The following SCP2 variants were observed in gnomAD, a reference collection of about 807,000 sequenced individuals.
The protein encoded by SCP2 is sterol carrier protein 2, also known as SCP-2/3-oxoacyl-CoA thiolase.
Under a neutral mutation model 71.4 loss-of-function variants are expected in SCP2, and 48 were observed. The observed-to-expected ratio is 0.67, with a 90% CI of 0.53 to 0.86. The LOEUF (loss-of-function observed/expected upper bound fraction) is 0.86, where lower values mean the gene tolerates loss of function less well. Among genes scored for constraint, SCP2 ranks in the 40% least tolerant of loss-of-function variants. SCP2 has a pLI of 0.00. For synonymous variants in SCP2, 220 were observed against 218.1 expected, an observed-to-expected ratio of 1.01 and a Z score of -0.08; for missense variants, 560 against 655.6, an observed-to-expected ratio of 0.85 and a Z score of 1.59.
chr1:52,985,444 T>A (rs1297310496), intron 10 of SCP2, among the ~76,000 whole-genome samples: 2 of 152,184 alleles, frequency 1.3e-5, no homozygotes, highest in East Asian at 3.9e-4. Flanking sequence ...AAATCCAGAA[T>A]ATGACCACAT....
chr1:53,028,615 ATACTT>A (rs1428678598), intron 13 of SCP2, among the ~76,000 whole-genome samples: 1 of 152,158 alleles, frequency 6.6e-6, no homozygotes, highest in African/African-American at 2.4e-5. Context: ...ATTTTATACT[ATACTT>A]TTGTTTTAAC....
intron 4 of SCP2, among the ~76,000 whole-genome samples, chr1:52,952,918 C>T (rs1270779670): frequency 6.6e-6 from 1 of 152,084 alleles, no homozygotes; most frequent in East Asian, 1.9e-4. Context: ...ATTAGGTCCT[C>T]TCTCTGTTCC....
chr1:52,976,615 T>C, intron 7 of SCP2, 68 bp from the exon 8 acceptor site: 1 of 837,982 alleles, frequency 1.2e-6, no homozygotes, highest in Non-Finnish European at 2.1e-6. Context: ...TTATTCTGTT[T>C]CTTACTCTGC....
At chr1:52,943,664 C>T (rs1572058261) in intron 2 of SCP2, 2 of 433,090 alleles carry the variant, frequency 4.6e-6, no homozygotes, top group East Asian at 1.3e-4. Flanking sequence ...TTGCAAAGCA[C>T]CAATAGCTGC....
At chr1:52,980,917 A>C (rs1040556092) in intron 10 of SCP2, among the ~76,000 whole-genome samples, 1 of 152,070 alleles carries the variant, frequency 6.6e-6, no homozygotes, top group African/African-American at 2.4e-5. Flanking sequence ...GCAGCATGTA[A>C]GCAATAATTT....
In SCP2 at chr1:53,050,949, CT is replaced by C. The variant is rs1449322077; in HGVS notation, c.*246del. 3.1e-6 allele frequency: 1 copy of C among 325,202 alleles called. No individual in the cohort carries two copies. Among genetic ancestry groups the C allele is most frequent in the African/African-American group, 2.2e-5 (1 of 46,372 alleles). 20.1% of individuals were successfully genotyped at this position (325,202 alleles called of 1,614,324 possible). A position where few individuals can be genotyped will look rare whatever the true frequency, so the allele number is the denominator to read the frequency against. On this transcript the variant is annotated 3_prime_UTR_variant, in exon 16 of 16. Coordinates refer to ENST00000371514, the MANE Select transcript of SCP2 (RefSeq NM_002979.5). ...ACAAAGTTAATATGGTAATTATGGT[CT>C]GGGGTAAAATTGAGTTTCAGAATAA...
At chr1:52,996,957 T>C (rs1659977926) in intron 11 of SCP2, among the ~76,000 whole-genome samples, 1 of 152,196 alleles carries the variant, frequency 6.6e-6, no homozygotes, top group Non-Finnish European at 1.5e-5. Context: ...ACACTACAGA[T>C]TTCTATTTTG....
intron 11 of SCP2, among the ~76,000 whole-genome samples, chr1:53,014,144 A>G (rs1196263510): frequency 6.7e-6 from 1 of 148,728 alleles, no homozygotes; most frequent in Non-Finnish European, 1.5e-5. Context: ...TGACCTCGTG[A>G]TCTGCCCTCC....
chr1:52,993,315 G>T, intron 11 of SCP2: 1 of 1,614,162 alleles, frequency 6.2e-7, no homozygotes, highest in East Asian at 2.2e-5. Context: ...TGGAAAGCTT[G>T]ATCTACATTC....
intron 12 of SCP2, among the ~76,000 whole-genome samples, 171 bp from the exon 13 acceptor site, chr1:53,027,798 G>A (rs899166214): frequency 6.6e-6 from 1 of 152,202 alleles, no homozygotes; most frequent in Non-Finnish European, 1.5e-5. Flanking sequence ...GAGCCATCGC[G>A]CCCGGCCAAG....
chr1:52,985,729 A>AT (rs1658930353), intron 10 of SCP2, among the ~76,000 whole-genome samples: 1 of 152,038 alleles, frequency 6.6e-6, no homozygotes, highest in Non-Finnish European at 1.5e-5. Flanking sequence ...CTGCAGCCAC[A>AT]TTGGCTTCCT....
chr1:53,022,328 G>A (rs1270047321), intron 12 of SCP2, among the ~76,000 whole-genome samples: 1 of 152,158 alleles, frequency 6.6e-6, no homozygotes, highest in Admixed American at 6.6e-5. Context: ...TATGGCTGAA[G>A]GTTCCCATTT....
intron 9 of SCP2, among the ~76,000 whole-genome samples, chr1:52,979,629 C>T (rs866610975): frequency 3.3e-5 from 5 of 152,102 alleles, no homozygotes; most frequent in Non-Finnish European, 4.4e-5. Context: ...GAAATTCTCC[C>T]ATATTTTTCA....
chr1:53,042,762 G>T (rs950196004), intron 14 of SCP2, among the ~76,000 whole-genome samples: 1 of 152,156 alleles, frequency 6.6e-6, no homozygotes, highest in South Asian at 2.1e-4. Flanking sequence ...ATGTTAGGGG[G>T]TTTGTTTATT....
At chr1:53,032,332 G>T (rs933910977) in intron 13 of SCP2, among the ~76,000 whole-genome samples, 3 of 152,160 alleles carry the variant, frequency 2.0e-5, no homozygotes, top group African/African-American at 7.2e-5. Context: ...GAGTTTAGTG[G>T]GAAGAGAGAC....
At chr1:52,996,013 A>G in intron 11 of SCP2, 3 of 1,407,766 alleles carry the variant, frequency 2.1e-6, no homozygotes, top group Non-Finnish European at 2.8e-6. Context: ...GAGGAGGCTG[A>G]AGAGGAGGCC....
chr1:52,928,002 A>G (rs1053170999), intron 1 of SCP2, among the ~76,000 whole-genome samples: 1 of 152,130 alleles, frequency 6.6e-6, no homozygotes, highest in Non-Finnish European at 1.5e-5. Flanking sequence ...CATGCTCCTT[A>G]ATGCCAAACT....
intron 10 of SCP2, among the ~76,000 whole-genome samples, chr1:52,980,953 A>C (rs1483092449): frequency 6.6e-6 from 1 of 152,128 alleles, no homozygotes; most frequent in Non-Finnish European, 1.5e-5. Context: ...TTTTTCTGAG[A>C]CGGAGACTCT....
intron 3 of SCP2, among the ~76,000 whole-genome samples, chr1:52,950,248 G>A (rs1655169963): frequency 6.6e-6 from 1 of 152,120 alleles, no homozygotes; most frequent in Non-Finnish European, 1.5e-5. Context: ...AGCCTCCCAA[G>A]TAGCTGGGAT....
Sources: gnomAD v4.1 joint callset for allele counts (sites outside exome capture counted in the v4.1 genomes callset) on GRCh38, gnomAD v4.1.1 for gene constraint, MANE v1.5 for transcripts, NCBI Gene and HGNC (gene_info 2026-07-23, HGNC 2026-07-21) for gene names.